RTKN2: variants seen among roughly 807,000 people sequenced by gnomAD.
The protein encoded by RTKN2 is rhotekin-2.
Under a neutral mutation model 71.5 loss-of-function variants are expected in RTKN2, and 69 were observed. That is an observed-to-expected ratio of 0.96 (90% CI 0.79 to 1.18). RTKN2 has a LOEUF of 1.18. RTKN2 is among the 50% of genes most tolerant of loss of function. The pLI, the probability that RTKN2 is intolerant of heterozygous loss-of-function variation, is 0.00. For missense variants in RTKN2, 724 were observed against 719.7 expected (o/e 1.01, Z -0.07); for synonymous variants, 236 against 236.5 (o/e 1.00, Z 0.02).
At chr10:62,262,886 A>G (rs944178480) in intron 1 of RTKN2, 65 bp from the exon 2 acceptor site, 2 of 984,820 alleles carry the variant, frequency 2.0e-6, no homozygotes, top group Non-Finnish European at 3.0e-6. Flanking sequence ...CCCATAATAG[A>G]TCGAAAATAG....
In RTKN2 at chr10:62,262,769, A is replaced by G; in HGVS notation, c.113T>C (p.Ile38Thr). The change falls in exon 2 of 12, where the codon ATA becomes ACA. Residue 38 changes from isoleucine to threonine, a missense_variant. Ile to Thr is a moderately conservative substitution (Grantham distance 89). Coordinates refer to ENST00000373789, the MANE Select transcript of RTKN2 (RefSeq NM_145307.4). ...AGTGCTCAGAGAAAGGAGTTTCCAT[A>G]TTCCTTCTCGCATTCGAATTTCTAA... ...IDLEIRMREG[I>T]WKLLSLSTQK... is the part of the protein sequence containing the mutation. 9 of 1,613,024 alleles carry G rather than the reference A, an allele frequency of 5.6e-6. No homozygotes were observed. Among genetic ancestry groups the G allele is most frequent in the Non-Finnish European group, 7.6e-6 (9 of 1,179,578 alleles).
At chr10:62,256,548 TAGA>T (rs1000555822) in intron 2 of RTKN2, among the ~76,000 whole-genome samples, 11 of 152,182 alleles carry the variant, frequency 7.2e-5, no homozygotes, top group Non-Finnish European at 2.9e-5. Flanking sequence ...TTTGATTATG[TAGA>T]AGAATGTTAT....
intron 9 of RTKN2, among the ~76,000 whole-genome samples, chr10:62,214,527 T>G (rs984542085): frequency 1.3e-5 from 2 of 152,148 alleles, no homozygotes; most frequent in African/African-American, 4.8e-5. Context: ...CAAGGAAAAG[T>G]AAATCAATTA....
intron 7 of RTKN2, among the ~76,000 whole-genome samples, chr10:62,222,628 A>G (rs1841934615): frequency 6.6e-6 from 1 of 152,174 alleles, no homozygotes; most frequent in African/African-American, 2.4e-5. Flanking sequence ...AACCCAAATC[A>G]TACTTCCAAA....
exon 9 of RTKN2, chr10:62,184,380 C>G: frequency 2.0e-6 from 3 of 1,536,808 alleles, no homozygotes; most frequent in Non-Finnish European, 2.6e-6. Context: ...TAGTTGATTA[C>G]TATTATTCTG....
intron 6 of RTKN2, among the ~76,000 whole-genome samples, chr10:62,229,991 T>C (rs574732523): frequency 7.9e-5 from 12 of 152,232 alleles, no homozygotes; most frequent in African/African-American, 2.2e-4. Context: ...CTGTAATAAA[T>C]TCTGAAGAAA....
At chr10:62,208,657 G>C (rs1235585835) in intron 9 of RTKN2, among the ~76,000 whole-genome samples, 3 of 151,662 alleles carry the variant, frequency 2.0e-5, no homozygotes, top group Non-Finnish European at 2.9e-5. Flanking sequence ...ATATAAATGG[G>C]AAAAAACAAA....
chr10:62,251,674 C>T (rs1842584528), intron 2 of RTKN2, among the ~76,000 whole-genome samples: 1 of 152,048 alleles, frequency 6.6e-6, no homozygotes, highest in Non-Finnish European at 1.5e-5. Context: ...CACAATACTC[C>T]AAAATGAATT....
intron 9 of RTKN2, among the ~76,000 whole-genome samples, chr10:62,207,442 G>A (rs1003719706): frequency 3.3e-5 from 5 of 152,136 alleles, no homozygotes; most frequent in South Asian, 2.1e-4. Context: ...AAAAAAATGC[G>A]TGTTGAAGAA....
At chr10:62,184,853 C>T (rs143482016) in intron 8 of RTKN2, among the ~76,000 whole-genome samples, 24 of 152,148 alleles carry the variant, frequency 1.6e-4, no homozygotes, top group Non-Finnish European at 1.9e-4. Context: ...AAGAAAAAAA[C>T]AGGCCTTGTT....
At chr10:62,222,886 T>C (rs1392463895) in intron 7 of RTKN2, among the ~76,000 whole-genome samples, 1 of 152,198 alleles carries the variant, frequency 6.6e-6, no homozygotes, top group Non-Finnish European at 1.5e-5. Context: ...TTTCTTACAT[T>C]CTCTGCTTCC....
In RTKN2 at chr10:62,209,749, G is replaced by T. The variant is rs189830753; in HGVS notation, c.1021-4727C>A. On this transcript the variant is annotated intron_variant, in intron 9 of 11. Transcript: ENST00000373789. ...TCTGTTCCTGTGTTAGTTTGCTAAG[G>T]ATAATGTCCTCCAGCTCCATCTATG... 2.0e-5 allele frequency among the ~76,000 whole-genome samples: 3 copies of T among 152,032 alleles called. No individual in the cohort carries two copies. In the East Asian group the frequency reaches 5.8e-4, roughly 29 times the overall value.
intron 10 of RTKN2, among the ~76,000 whole-genome samples, chr10:62,202,777 G>A (rs1841470180): frequency 6.6e-6 from 1 of 152,192 alleles, no homozygotes; most frequent in Admixed American, 6.5e-5. Context: ...GAAAGCATGA[G>A]ATGATCATCT....
rs1841341051 is a variant in RTKN2, at chr10:62,196,807, T to A, written c.*1101A>T. 1 of 975,156 alleles carries A rather than the reference T, an allele frequency of 1.0e-6. No individual in the cohort carries two copies. The highest frequency in any genetic ancestry group is 1.8e-5 in the African/African-American group (1 of 57,000). The allele number at this position is 975,156 out of a possible 1,614,324, so 60.4% of individuals were successfully genotyped here. ...CTCTTGTTTACAAAAAGCATTATTA[T>A]AAAAAATGGATTTTTTGTTCCTTTA... On this transcript the variant is annotated 3_prime_UTR_variant, in exon 12 of 12. Coordinates refer to ENST00000373789, the MANE Select transcript of RTKN2 (RefSeq NM_145307.4).
intron 5 of RTKN2, among the ~76,000 whole-genome samples, chr10:62,237,000 A>G (rs1393750218): frequency 6.6e-6 from 1 of 151,942 alleles, no homozygotes; most frequent in Non-Finnish European, 1.5e-5. Flanking sequence ...GATATAGGTC[A>G]AAGGACACAA....
At chr10:62,219,057 C>A (rs1194423147) in intron 7 of RTKN2, among the ~76,000 whole-genome samples, 1 of 152,136 alleles carries the variant, frequency 6.6e-6, no homozygotes, top group African/African-American at 2.4e-5. Context: ...ACATTTTTGG[C>A]CCTTCCTCCT....
At chr10:62,249,187 A>G (rs1842531654) in intron 2 of RTKN2, among the ~76,000 whole-genome samples, 1 of 152,182 alleles carries the variant, frequency 6.6e-6, no homozygotes, top group Admixed American at 6.5e-5. Flanking sequence ...ACACTGGAGG[A>G]TGAGAGAGTA....
intron 10 of RTKN2, among the ~76,000 whole-genome samples, chr10:62,202,266 C>T (rs557103623): frequency 1.3e-5 from 2 of 152,206 alleles, no homozygotes; most frequent in African/African-American, 2.4e-5. Flanking sequence ...GATCTACTTC[C>T]GTAAGTGTTT....
chr10:62,254,419 C>G (rs1842637592), intron 2 of RTKN2, among the ~76,000 whole-genome samples: 1 of 152,180 alleles, frequency 6.6e-6, no homozygotes, highest in Non-Finnish European at 1.5e-5. Context: ...AGCCATGCTT[C>G]CTGTATAGCA....
Sources: allele counts gnomAD v4.1 joint callset (sites outside exome capture counted in the v4.1 genomes callset), GRCh38; gene constraint gnomAD v4.1.1; transcripts MANE v1.5; gene names NCBI Gene and HGNC (gene_info 2026-07-23, HGNC 2026-07-21).